PCNX2: variants seen among roughly 807,000 people sequenced by gnomAD.
PCNX2 encodes the protein pecanex-like protein 2.
PCNX2 carries 168 observed loss-of-function variants against 223.8 expected under a neutral mutation model. The ratio of observed to expected loss-of-function variants is 0.75; its 90% confidence interval spans 0.66 to 0.85. The LOEUF (loss-of-function observed/expected upper bound fraction) is 0.85, where lower values mean the gene tolerates loss of function less well. PCNX2 is among the 40% of genes least tolerant of loss of function. The pLI, the probability that PCNX2 is intolerant of heterozygous loss-of-function variation, is 0.00. For missense variants in PCNX2, 2,507 were observed against 2,675.5 expected, an observed-to-expected ratio of 0.94 and a Z score of 1.39; for synonymous variants, 1,006 against 1,052.6, an observed-to-expected ratio of 0.96 and a Z score of 0.86.
In PCNX2 at chr1:233,001,468, A is replaced by T. The variant is rs1379582818; in HGVS notation, c.5097+69T>A. On this transcript the variant is annotated intron_variant, in intron 29 of 33. Transcript: ENST00000258229. This position sits in a 1 kb window ranked among gnomAD's most constrained non-coding sequence, Gnocchi z 4.2. ...CACCCCAGCCTGGGCAACAAGAGCG[A>T]AACTCCATCTCATAAATAAATAAAT... 9.5e-7 allele frequency: 1 copy of T among 1,054,014 alleles called. No individual in the cohort carries two copies. The highest frequency in any genetic ancestry group is 1.2e-6 in the Non-Finnish European group (1 of 850,480). The allele number at this position is 1,054,014 out of a possible 1,614,324, so 65.3% of individuals were successfully genotyped here. A position where few individuals can be genotyped will look rare whatever the true frequency, so the allele number is the denominator to read the frequency against.
intron 24 of PCNX2, 88 bp from the exon 25 acceptor site, chr1:233,054,571 A>ATCAGAT: frequency 1.9e-6 from 2 of 1,074,964 alleles, no homozygotes; most frequent in Non-Finnish European, 2.7e-6. Context: ...CATCTGATTA[A>ATCAGAT]GGGTAAAATC....
intron 21 of PCNX2, among the ~76,000 whole-genome samples, chr1:233,102,899 GTT>G (rs1674566132): frequency 6.6e-6 from 1 of 152,070 alleles, no homozygotes; most frequent in Non-Finnish European, 1.5e-5. Context: ...TTTGGCCTCG[GTT>G]GTCTGTGCTT....
At chr1:233,161,567 G>T (rs976839650) in intron 17 of PCNX2, among the ~76,000 whole-genome samples, 1 of 152,130 alleles carries the variant, frequency 6.6e-6, no homozygotes, top group African/African-American at 2.4e-5. Context: ...AAGGTGGGCT[G>T]GGGGAGAGTG....
At position 233,162,202 on chromosome 1, in the gene PCNX2, TG is replaced by T. The variant is rs199537146; in HGVS notation, c.3274-840del. The stretch of plus-strand genomic sequence containing the variant: ...ATGGAGAATGGCCTGTTAGCTCCAA[TG>T]GAGCACAATATTGCTGGCTGAACAA... On this transcript the variant is annotated intron_variant, in intron 17 of 33. Coordinates refer to ENST00000258229, the MANE Select transcript of PCNX2 (RefSeq NM_014801.4). Among the ~76,000 whole-genome samples, 1,354 of 152,168 alleles carry T rather than the reference TG, an allele frequency of 8.9e-3. 24 individuals carry two copies. The highest frequency in any genetic ancestry group is 0.031 in the African/African-American group (1,299 of 41,516).
chr1:233,223,361 C>G lies in PCNX2; in HGVS notation c.2504+3865G>C, dbSNP rs192369716. Among the ~76,000 whole-genome samples, 4 of 152,264 alleles carry G rather than the reference C, an allele frequency of 2.6e-5. No homozygotes were observed. In the East Asian group the frequency reaches 7.7e-4, roughly 29 times the overall value. On this transcript the variant is annotated intron_variant, in intron 10 of 33. Transcript: ENST00000258229. Reference sequence around the variant, plus strand: ...AGAGAATGAAAGGAGCAAATGGAAACAAACACAGGCAACCCTTCAAGGAGT... The same window carrying G: ...AGAGAATGAAAGGAGCAAATGGAAAGAAACACAGGCAACCCTTCAAGGAGT...
At chr1:233,177,187 T>C (rs1679524645) in intron 17 of PCNX2, among the ~76,000 whole-genome samples, 1 of 152,218 alleles carries the variant, frequency 6.6e-6, no homozygotes, top group Non-Finnish European at 1.5e-5. Flanking sequence ...AAGAAATCAA[T>C]GTACTTTATG....
At chr1:233,009,497 A>G (rs1670392829) in intron 28 of PCNX2, among the ~76,000 whole-genome samples, 1 of 152,222 alleles carries the variant, frequency 6.6e-6, no homozygotes, top group South Asian at 2.1e-4. Context: ...ATTTAATTAA[A>G]AATATATTTG....
intron 12 of PCNX2, among the ~76,000 whole-genome samples, chr1:233,215,424 T>C (rs1682066596): frequency 6.6e-6 from 1 of 152,240 alleles, no homozygotes; most frequent in African/African-American, 2.4e-5. Context: ...TGTCTCACTA[T>C]ATGACATGCT....
chr1:232,987,269 A>G (rs541504046), intron 32 of PCNX2, among the ~76,000 whole-genome samples: 22 of 152,186 alleles, frequency 1.4e-4, no homozygotes, highest in Admixed American at 2.6e-4. Context: ...ACTACCCCCA[A>G]AGATGTGGTT....
chr1:233,283,411 G>A (rs1661287667), intron 1 of PCNX2, among the ~76,000 whole-genome samples: 2 of 152,190 alleles, frequency 1.3e-5, no homozygotes, highest in Non-Finnish European at 2.9e-5. Flanking sequence ...AAAGGATCAT[G>A]GCTCCTTGGT....
chr1:233,154,879 G>C (rs1678019855), intron 19 of PCNX2, among the ~76,000 whole-genome samples: 1 of 152,060 alleles, frequency 6.6e-6, no homozygotes, highest in African/African-American at 2.4e-5. Context: ...GACCAGCCTG[G>C]CCAACATAGT....
Position 232,990,083 on chromosome 1 carries a change from T to C in PCNX2, c.5792-3543A>G, listed in dbSNP as rs1669640400. On this transcript the variant is annotated intron_variant, in intron 32 of 33. Transcript: ENST00000258229. The surrounding 1 kb of genome is among the most constrained non-coding windows in gnomAD (Gnocchi z 4.3). The stretch of plus-strand genomic sequence containing the variant: ...CTGTGTGTCTCAACTCGGACGGGCA[T>C]GGTTGTTTTACTTAACTAGAAGGAG... 6.6e-6 allele frequency among the ~76,000 whole-genome samples: 1 copy of C among 152,226 alleles called. No individual in the cohort carries two copies. The highest frequency in any genetic ancestry group is 1.5e-5 in the Non-Finnish European group (1 of 68,038).
At chr1:233,271,707 C>T (rs1479592404) in intron 1 of PCNX2, among the ~76,000 whole-genome samples, 4 of 152,118 alleles carry the variant, frequency 2.6e-5, no homozygotes, top group Non-Finnish European at 5.9e-5. Flanking sequence ...GCCAATTATC[C>T]CAGCACCATT....
In PCNX2 at chr1:232,986,137, G is replaced by T; in HGVS notation, c.6195C>A (p.Asn2065Lys). ...CCCTGGCTGAGGGGCCCATCACGAT[G>T]TTGACGCTGCTGGATGACTGGGTGT... ...TSDTQSSSSV[N>K]IVMGPSARAA... Residue 2065 changes from asparagine (N) to lysine (K), a missense_variant, in exon 33 of 34, where the codon AAC (asparagine) becomes AAA (lysine). By Grantham distance (94) the Asn-to-Lys change is moderately conservative (BLOSUM62 0). Coordinates refer to ENST00000258229, the MANE Select transcript of PCNX2 (RefSeq NM_014801.4). The T allele has an allele frequency of 6.4e-7, 1 of 1,570,824 alleles. No individual in the cohort carries two copies. Among genetic ancestry groups the T allele is most frequent in the Non-Finnish European group, 8.6e-7 (1 of 1,157,320 alleles).
intron 13 of PCNX2, among the ~76,000 whole-genome samples, chr1:233,202,652 GT>G (rs1272852075): frequency 3.3e-5 from 5 of 152,172 alleles, no homozygotes; most frequent in South Asian, 2.1e-4. Context: ...ACGTCTGGGT[GT>G]TTAGGGAAAG....
intron 8 of PCNX2, among the ~76,000 whole-genome samples, chr1:233,243,100 A>T (rs1658874265): frequency 6.6e-6 from 1 of 152,208 alleles, no homozygotes; most frequent in South Asian, 2.1e-4. Flanking sequence ...TGGTTCCCAC[A>T]GTGACAGTGG....
chr1:233,043,790 C>G (rs1265707854), intron 25 of PCNX2, among the ~76,000 whole-genome samples: 1 of 145,276 alleles, frequency 6.9e-6, no homozygotes, highest in Non-Finnish European at 1.5e-5. Context: ...GTCACATTTT[C>G]TTAATCCAGT....
chr1:233,071,936 G>A (rs536264162), intron 23 of PCNX2, among the ~76,000 whole-genome samples: 1 of 152,312 alleles, frequency 6.6e-6, no homozygotes, highest in Admixed American at 6.5e-5. Context: ...TTGGCTGCAT[G>A]TATGTATTCT....
intron 1 of PCNX2, among the ~76,000 whole-genome samples, chr1:233,288,361 G>A (rs1463360332): frequency 1.3e-5 from 2 of 152,140 alleles, no homozygotes; most frequent in African/African-American, 4.8e-5. Flanking sequence ...CTAATGGGGG[G>A]AAATCTCAAG....
Sources: gnomAD v4.1 joint callset for allele counts (sites outside exome capture counted in the v4.1 genomes callset) on GRCh38, gnomAD v4.1.1 for gene constraint, Gnocchi (gnomAD v3.1) non-coding constraint, MANE v1.5 for transcripts, NCBI Gene and HGNC (gene_info 2026-07-23, HGNC 2026-07-21) for gene names.